SGIP1: variants seen among roughly 807,000 people sequenced by gnomAD.
SGIP1 encodes SH3GL interacting endocytic adaptor 1.
In SGIP1, 38 loss-of-function variants were observed where a neutral mutation model predicts 107.5. The observed-to-expected ratio is 0.35, with a 90% CI of 0.27 to 0.46. The LOEUF (loss-of-function observed/expected upper bound fraction) is 0.46. Among genes scored for constraint, SGIP1 ranks in the 20% least tolerant of loss-of-function variants. The probability of loss-of-function intolerance (pLI) is 1.00; values close to 1 mark genes in which losing one functional copy is unlikely to be tolerated. For missense variants in SGIP1, 929 were observed against 1,019.5 expected (o/e 0.91, Z 1.21); for synonymous variants, 365 against 366.1 (o/e 1.00, Z 0.03).
chr1:66,672,167 G>C (rs1557560465), intron 11 of SGIP1, among the ~76,000 whole-genome samples, 172 bp downstream of exon 11: 1 of 152,150 alleles, frequency 6.6e-6, no homozygotes, highest in Non-Finnish European at 1.5e-5. Context: ...TTTCATAAGT[G>C]CAGCCCAAGG....
intron 1 of SGIP1, among the ~76,000 whole-genome samples, chr1:66,609,420 G>T (rs1039130747): frequency 3.9e-5 from 6 of 152,152 alleles, no homozygotes; most frequent in Non-Finnish European, 8.8e-5. Context: ...AAGCAAATAT[G>T]TAGAGCACAA....
Position 66,560,195 on chromosome 1 carries a change from G to T in SGIP1, c.10+25827G>T, listed in dbSNP as rs139240476. On this transcript the variant is annotated intron_variant, in intron 1 of 24. Transcript: ENST00000371037. Reference sequence around the variant, plus strand: ...TGACCTCTAAATATTTAGTTTGACTGTGCAAAAATAACCTTTACCGCAGCT... The same window carrying T: ...TGACCTCTAAATATTTAGTTTGACTTTGCAAAAATAACCTTTACCGCAGCT... 3.0e-3 allele frequency among the ~76,000 whole-genome samples: 449 copies of T among 152,094 alleles called. 2 individuals are homozygous for T. Among genetic ancestry groups the T allele is most frequent in the African/African-American group, 0.01 (435 of 41,518 alleles).
chr1:66,707,219 G>C (rs2092586834), intron 18 of SGIP1, among the ~76,000 whole-genome samples: 2 of 152,060 alleles, frequency 1.3e-5, no homozygotes, highest in Admixed American at 6.6e-5. Context: ...GTCAAGTGTA[G>C]AAAAGCATTT....
At chr1:66,583,827 C>T (rs1288073913) in intron 1 of SGIP1, among the ~76,000 whole-genome samples, 3 of 152,148 alleles carry the variant, frequency 2.0e-5, no homozygotes, top group African/African-American at 7.2e-5. Context: ...TGCCGTCTCT[C>T]CTAGTACAGT....
At chr1:66,713,382 A>C (rs944464642) in intron 18 of SGIP1, among the ~76,000 whole-genome samples, 2 of 152,088 alleles carry the variant, frequency 1.3e-5, no homozygotes, top group African/African-American at 4.8e-5. Context: ...CAGCTTCACC[A>C]CTTACCAGCA....
At chr1:66,647,308 G>A (rs2077828172) in intron 7 of SGIP1, among the ~76,000 whole-genome samples, 1 of 152,106 alleles carries the variant, frequency 6.6e-6, no homozygotes, top group African/African-American at 2.4e-5. Context: ...AAAAGCAAGT[G>A]GTTTTCTTTA....
chr1:66,667,500 C>T, intron 8 of SGIP1, 30 bp from the exon 9 acceptor site: 1 of 1,610,678 alleles, frequency 6.2e-7, no homozygotes, highest in Non-Finnish European at 8.5e-7. Context: ...GACTAGGTGT[C>T]TGTTCTCTCT....
chr1:66,642,133 C>T (rs1558178853), intron 5 of SGIP1, among the ~76,000 whole-genome samples: 1 of 152,194 alleles, frequency 6.6e-6, no homozygotes, highest in Non-Finnish European at 1.5e-5. Flanking sequence ...CAGTAGCTAC[C>T]TCAAGTCCAA....
intron 18 of SGIP1, among the ~76,000 whole-genome samples, chr1:66,698,201 T>A (rs903418727): frequency 1.3e-5 from 2 of 152,196 alleles, no homozygotes; most frequent in Admixed American, 1.3e-4. Context: ...TGCTTCACAC[T>A]TCCAAATTTA....
At chr1:66,605,995 A>AT (rs1352116703) in intron 1 of SGIP1, among the ~76,000 whole-genome samples, 1 of 152,146 alleles carries the variant, frequency 6.6e-6, no homozygotes, top group Non-Finnish European at 1.5e-5. Flanking sequence ...TTCTCCCTCC[A>AT]TGCACATCTT....
intron 8 of SGIP1, 78 bp downstream of exon 8, chr1:66,660,602 C>A (rs899583143): frequency 1.8e-4 from 240 of 1,318,392 alleles, no homozygotes; most frequent in Non-Finnish European, 2.4e-4. Context: ...TATCTAATGA[C>A]TGACTGTGTT....
chr1:66,667,515 T>G lies in SGIP1; in HGVS notation c.472-15T>G. ...GACTAGGTGTCTGTTCTCTCTTCCT[T>G]TTTGCTGATCACAGAGGCGCAGCCC... On this transcript the variant is annotated splice_polypyrimidine_tract_variant and intron_variant, in intron 8 of 24. Transcript: ENST00000371037. 2 of 1,613,408 alleles carry G rather than the reference T, an allele frequency of 1.2e-6. No homozygotes were observed. Among genetic ancestry groups the G allele is most frequent in the Non-Finnish European group, 1.7e-6 (2 of 1,179,424 alleles).
chr1:66,620,313 T>G (rs899608341), intron 1 of SGIP1, among the ~76,000 whole-genome samples: 13 of 152,190 alleles, frequency 8.5e-5, no homozygotes, highest in African/African-American at 3.1e-4. Flanking sequence ...TTTAAAAAGT[T>G]TTTTAAAAAA....
chr1:66,659,079 C>T (rs1400605170), intron 7 of SGIP1, among the ~76,000 whole-genome samples: 1 of 152,098 alleles, frequency 6.6e-6, no homozygotes, highest in Admixed American at 6.5e-5. Flanking sequence ...GAGCCCATCA[C>T]CAAAGCATTA....
chr1:66,632,458 C>T (rs747559226), intron 2 of SGIP1, among the ~76,000 whole-genome samples: 1 of 152,084 alleles, frequency 6.6e-6, no homozygotes, highest in Non-Finnish European at 1.5e-5. Flanking sequence ...ATCTAGGAGG[C>T]AATTCAGGAC....
chr1:66,623,828 G>A (rs1422078866), intron 1 of SGIP1, among the ~76,000 whole-genome samples: 1 of 152,168 alleles, frequency 6.6e-6, no homozygotes, highest in Non-Finnish European at 1.5e-5. Context: ...AACTGATGCT[G>A]GGAATGGACT....
intron 19 of SGIP1, among the ~76,000 whole-genome samples, chr1:66,724,896 G>A (rs926139904): frequency 1.3e-5 from 2 of 152,174 alleles, no homozygotes; most frequent in African/African-American, 4.8e-5. Context: ...GATGGTAGGT[G>A]CTGAAATCTA....
chr1:66,692,167 A>T (rs888703184), intron 17 of SGIP1, among the ~76,000 whole-genome samples: 1 of 151,502 alleles, frequency 6.6e-6, no homozygotes, highest in Non-Finnish European at 1.5e-5. Context: ...TCTCAAAAAA[A>T]AAAAAAAGAG....
intron 1 of SGIP1, among the ~76,000 whole-genome samples, chr1:66,623,554 AC>A (rs1265297043): frequency 6.6e-6 from 1 of 152,172 alleles, no homozygotes; most frequent in Non-Finnish European, 1.5e-5. Flanking sequence ...CCTGGCCCAA[AC>A]TTTTTTTCTT....
Sources: allele counts gnomAD v4.1 joint callset (sites outside exome capture counted in the v4.1 genomes callset), GRCh38; gene constraint gnomAD v4.1.1; transcripts MANE v1.5; gene names NCBI Gene and HGNC (gene_info 2026-07-23, HGNC 2026-07-21).